Variants in CYFIP1 observed in about 807,000 individuals in gnomAD.
The protein encoded by CYFIP1 is cytoplasmic FMR1-interacting protein 1.
Under a neutral mutation model 163.5 loss-of-function variants are expected in CYFIP1, and 58 were observed. The ratio of observed to expected loss-of-function variants is 0.35; its 90% CI spans 0.29 to 0.44. CYFIP1 has a LOEUF of 0.44. Ranked by LOEUF, CYFIP1 falls within the 20% of genes least tolerant of loss-of-function variation. The pLI is 1.00. For synonymous variants in CYFIP1, 663 were observed against 660.7 expected (o/e 1.00, Z -0.05); for missense variants, 1,338 against 1,653.8 (o/e 0.81, Z 3.31).
intron 11 of CYFIP1, among the ~76,000 whole-genome samples, chr15:22,930,784 T>A (rs920726276): frequency 3.3e-4 from 51 of 152,344 alleles, no homozygotes; most frequent in Non-Finnish European, 2.2e-4. Flanking sequence ...AAGCTCTTTT[T>A]AAAAGTAAAA....
intron 1 of CYFIP1, among the ~76,000 whole-genome samples, chr15:22,965,977 C>T (rs1204257039): frequency 2.6e-5 from 4 of 152,144 alleles, no homozygotes; most frequent in South Asian, 4.1e-4. Flanking sequence ...AGAATGCTTC[C>T]GTTCTTTACA....
intron 23 of CYFIP1, among the ~76,000 whole-genome samples, chr15:22,889,928 C>CAGA (rs923209860): frequency 2.6e-5 from 4 of 152,128 alleles, no homozygotes; most frequent in African/African-American, 9.7e-5. Flanking sequence ...ATTTTACTTT[C>CAGA]AGAAGCAGAA....
At position 22,925,962 on chromosome 15, in the gene CYFIP1, G is replaced by A. The variant is rs201848729; in HGVS notation, c.1359+20C>T. ...AAGCTAGAGCGACATGAGGAAGAGC[G>A]AGCGGCCGAGCATCCTCACCTCCAC... On this transcript the variant is annotated intron_variant, in intron 13 of 30. Coordinates refer to ENST00000617928, the MANE Select transcript of CYFIP1 (RefSeq NM_014608.6). 23 of 1,610,114 alleles carry A rather than the reference G, an allele frequency of 1.4e-5. No individual in the cohort carries two copies. In the Middle Eastern group the frequency reaches 4.9e-4, roughly 35 times the overall value.
rs1210258042 is a variant in CYFIP1 at position 22,880,042 on chromosome 15, A to G, written c.2913T>C (p.Gly971=). 1.9e-6 allele frequency: 3 copies of G among 1,613,282 alleles called. No individual in the cohort carries two copies. The African/African-American group carries it at 4.0e-5, about 22-fold the overall frequency. ...GCTGGTGGTGGAAGAACTCCAGGATACCTACGGTGGCGGGAGTGAGGTGGG... is the reference window on the plus strand; with the variant it reads ...GCTGGTGGTGGAAGAACTCCAGGATGCCTACGGTGGCGGGAGTGAGGTGGG... ...RLPRHEYGSP[G]ILEFFHHQLK... is the part of the protein sequence containing the mutation. The change falls in exon 26 of 31, where the codon GGT becomes GGC. Residue 971 remains glycine, a splice_region_variant and synonymous_variant. Coordinates refer to ENST00000617928, the MANE Select transcript of CYFIP1 (RefSeq NM_014608.6).
Position 22,947,302 on chromosome 15 carries a change from A to G in CYFIP1, c.-6-11T>C, listed in dbSNP as rs1263651731. ...GGCCGCCATCCTGGGCTGGAACAAC[A>G]CATAAGGACCCCTGTTCTGTGAGGA... is the stretch of plus-strand genomic sequence containing the variant. On this transcript the variant is annotated splice_polypyrimidine_tract_variant and intron_variant, in intron 1 of 30. Transcript: ENST00000617928. 1 of 1,612,484 alleles carries G rather than the reference A, an allele frequency of 6.2e-7. No individual in the cohort carries two copies. Among genetic ancestry groups the G allele is most frequent in the Admixed American group, 1.7e-5 (1 of 59,954 alleles).
chr15:22,937,758 C>T (rs1443606138), intron 8 of CYFIP1, among the ~76,000 whole-genome samples: 2 of 151,976 alleles, frequency 1.3e-5, no homozygotes. Context: ...ATGACCACCA[C>T]GCCTGGCTAA....
chr15:22,974,457 C>T (rs993184223), intron 1 of CYFIP1, among the ~76,000 whole-genome samples: 11 of 152,150 alleles, frequency 7.2e-5, no homozygotes, highest in Non-Finnish European at 1.5e-4. Context: ...AGGCCGGACA[C>T]GATGGCTCAT....
At chr15:22,959,495 C>T (rs947125184) in intron 1 of CYFIP1, among the ~76,000 whole-genome samples, 4 of 152,236 alleles carry the variant, frequency 2.6e-5, no homozygotes, top group African/African-American at 7.2e-5. Context: ...GCTTGCCTCA[C>T]GTGCCTCAGT....
chr15:22,898,194 C>T (rs1488801809), intron 22 of CYFIP1, among the ~76,000 whole-genome samples: 2 of 152,176 alleles, frequency 1.3e-5, no homozygotes, highest in African/African-American at 2.4e-5. Context: ...TCCAGTTTTT[C>T]ACTTAAGGAG....
intron 21 of CYFIP1, among the ~76,000 whole-genome samples, chr15:22,905,879 C>T (rs909491941): frequency 4.6e-5 from 7 of 151,824 alleles, no homozygotes; most frequent in Non-Finnish European, 8.8e-5. Context: ...CCTGCCTCAG[C>T]CTCCCGAGTA....
At chr15:22,934,308 TCCCGAGTAGCTGGGACTACAGGCG>T (rs1419392706) in intron 9 of CYFIP1, among the ~76,000 whole-genome samples, 1 of 145,836 alleles carries the variant, frequency 6.9e-6, no homozygotes, top group East Asian at 2.1e-4. Flanking sequence ...TGCCTCAGGC[TCCCGAGTAGCTGGGACTACAGGCG>T]CCCGCCACCA....
chr15:22,917,766 G>A lies in CYFIP1; in HGVS notation c.1674+22C>T, dbSNP rs765902175. The A allele has an allele frequency of 5.7e-6, 9 of 1,580,608 alleles. No individual in the cohort carries two copies. The Admixed American group carries it at 1.6e-4, about 28-fold the overall frequency. The stretch of plus-strand genomic sequence containing the variant: ...GGGTCCCCCCAGGGAGAGGGTGCAG[G>A]CGGGGCTCAAGGGACGAGAACCTGA... On this transcript the variant is annotated intron_variant, in intron 15 of 30. Transcript: ENST00000617928. This position sits in a 1 kb window ranked among gnomAD's most constrained non-coding sequence, Gnocchi z 4.2.
intron 30 of CYFIP1, among the ~76,000 whole-genome samples, chr15:22,872,338 AAG>A (rs2059458820): frequency 6.6e-6 from 1 of 151,974 alleles, no homozygotes; most frequent in Non-Finnish European, 1.5e-5. Context: ...TGATACAACA[AAG>A]AGATGTGGAG....
chr15:22,976,265 C>T (rs1172997500), intron 1 of CYFIP1, among the ~76,000 whole-genome samples: 3 of 152,000 alleles, frequency 2.0e-5, no homozygotes, highest in African/African-American at 7.3e-5. Flanking sequence ...TCAGGCGATT[C>T]TCCTGCTTCA....
rs1035892638 is a variant in CYFIP1, at chr15:22,917,393, A to T, written c.1674+395T>A. 3 of 879,746 alleles carry T rather than the reference A, an allele frequency of 3.4e-6. No individual in the cohort carries two copies. The highest frequency in any genetic ancestry group is 1.7e-5 in the African/African-American group (1 of 57,580). 54.5% of individuals were successfully genotyped at this position (879,746 alleles called of 1,614,324 possible). On this transcript the variant is annotated intron_variant, in intron 15 of 30. Transcript: ENST00000617928. The surrounding 1 kb of genome is among the most constrained non-coding windows in gnomAD (Gnocchi z 4.2). ...ACAGTGGGCAGCTTAGGACCATGACACACGCAAGCAGCACCTCACAGTTTC... is the reference window on the plus strand; with the variant it reads ...ACAGTGGGCAGCTTAGGACCATGACTCACGCAAGCAGCACCTCACAGTTTC...
intron 22 of CYFIP1, among the ~76,000 whole-genome samples, chr15:22,902,315 G>C (rs975636825): frequency 6.6e-6 from 1 of 152,164 alleles, no homozygotes; most frequent in Admixed American, 6.6e-5. Context: ...GTCACCTCCC[G>C]GGGTGTGGGG....
intron 1 of CYFIP1, among the ~76,000 whole-genome samples, chr15:22,974,079 A>T (rs888636091): frequency 2.0e-5 from 3 of 152,186 alleles, no homozygotes; most frequent in Admixed American, 1.3e-4. Flanking sequence ...GTTGGTGGAG[A>T]TGTAAATCAG....
At chr15:22,913,496 C>G (rs2060852010) in intron 17 of CYFIP1, among the ~76,000 whole-genome samples, 1 of 122,162 alleles carries the variant, frequency 8.2e-6, no homozygotes, top group Non-Finnish European at 1.6e-5. Flanking sequence ...CCACTGCACT[C>G]CAGCCTGGGT....
At chr15:22,908,419 T>C (rs2060656174) in intron 21 of CYFIP1, among the ~76,000 whole-genome samples, 1 of 151,078 alleles carries the variant, frequency 6.6e-6, no homozygotes, top group Admixed American at 6.6e-5. Context: ...AGACCTTACC[T>C]GGAGATGAGA....
Sources: allele counts gnomAD v4.1 joint callset (sites outside exome capture counted in the v4.1 genomes callset), GRCh38; gene constraint gnomAD v4.1.1; non-coding constraint Gnocchi (gnomAD v3.1); transcripts MANE v1.5; gene names NCBI Gene and HGNC (gene_info 2026-07-23, HGNC 2026-07-21).